The following NT5DC3 variants were observed in gnomAD, a reference collection of about 807,000 sequenced individuals.
The protein encoded by NT5DC3 is 5'-nucleotidase domain-containing protein 3.
Under a neutral mutation model 67.8 loss-of-function variants are expected in NT5DC3, and 42 were observed. That is an observed-to-expected ratio of 0.62 (90% CI 0.48 to 0.80). The LOEUF (loss-of-function observed/expected upper bound fraction) is 0.80. NT5DC3 is among the 30% of genes least tolerant of loss of function. The probability of loss-of-function intolerance (pLI) is 0.00; values close to 1 mark genes in which losing one functional copy is unlikely to be tolerated. For missense variants in NT5DC3, 570 were observed against 696.4 expected, an observed-to-expected ratio of 0.82 and a Z score of 2.04; for synonymous variants, 237 against 255.6, an observed-to-expected ratio of 0.93 and a Z score of 0.69.
At chr12:103,840,890 C>A in intron 1 of NT5DC3, 59 bp downstream of exon 1, 1 of 1,114,138 alleles carries the variant, frequency 9.0e-7, no homozygotes, top group South Asian at 2.4e-5. Flanking sequence ...GCGCCCGCTT[C>A]CCAGCTGAGC....
chr12:103,767,845 G>C (rs1885049366), downstream of NT5DC3, among the ~76,000 whole-genome samples: 2 of 152,000 alleles, frequency 1.3e-5, no homozygotes, highest in Admixed American at 1.3e-4. Flanking sequence ...CACTTTGGGA[G>C]GCTGAGATGG....
At chr12:103,837,398 T>C (rs1420484179) in intron 1 of NT5DC3, among the ~76,000 whole-genome samples, 2 of 152,264 alleles carry the variant, frequency 1.3e-5, no homozygotes, top group East Asian at 1.9e-4. Context: ...TTGCTACTTA[T>C]GCAAATTTCT....
rs115939035 is a variant in NT5DC3, at chr12:103,833,780, G to C, written c.208+7169C>G. Among the ~76,000 whole-genome samples, 544 of 151,964 alleles carry C rather than the reference G, an allele frequency of 3.6e-3. 1 individual carries two copies. Among genetic ancestry groups the C allele is most frequent in the African/African-American group, 0.012 (512 of 41,416 alleles). The stretch of plus-strand genomic sequence containing the variant: ...AAGGTTGGAGCAACCCGTCTTGGAG[G>C]AGTAGGAAGGCTTCCATTCTGTACC... On this transcript the variant is annotated intron_variant, in intron 1 of 13. Coordinates refer to ENST00000392876, the MANE Select transcript of NT5DC3 (RefSeq NM_001031701.3).
intron 1 of NT5DC3, among the ~76,000 whole-genome samples, chr12:103,822,402 TA>T: frequency 6.6e-6 from 1 of 152,180 alleles, no homozygotes; most frequent in East Asian, 1.9e-4. Context: ...GCTGGTAAAC[TA>T]AATGTTCAAC....
At chr12:103,756,514 C>A in the NT5DC3 span, among the ~76,000 whole-genome samples, 2 of 152,198 alleles carry the variant, frequency 1.3e-5, no homozygotes, top group African/African-American at 4.8e-5. Context: ...CCTCCTGCAA[C>A]TGTATAAGGC....
chr12:103,813,695 A>G (rs1887129670), intron 2 of NT5DC3, among the ~76,000 whole-genome samples: 1 of 152,202 alleles, frequency 6.6e-6, no homozygotes, highest in African/African-American at 2.4e-5. Flanking sequence ...CTCACATTTG[A>G]GAGAAACAAA....
At chr12:103,787,150 C>A (rs938759826) in intron 11 of NT5DC3, among the ~76,000 whole-genome samples, 1 of 151,410 alleles carries the variant, frequency 6.6e-6, no homozygotes, top group Admixed American at 6.6e-5. Context: ...GCATTTATTT[C>A]TTATTATTTA....
chr12:103,820,744 C>T (rs1887457701), intron 1 of NT5DC3: 1 of 152,180 alleles, frequency 6.6e-6, no homozygotes, highest in Admixed American at 6.5e-5. Context: ...GCACACAGTA[C>T]TGGAGAGCTC....
chr12:103,789,147 G>C (rs1281409950), intron 9 of NT5DC3: 1 of 484,442 alleles, frequency 2.1e-6, no homozygotes, highest in Non-Finnish European at 3.7e-6. Flanking sequence ...CAGGGGGCTG[G>C]GCGCAGTAGC....
intron 11 of NT5DC3, among the ~76,000 whole-genome samples, chr12:103,786,892 A>C (rs561428309): frequency 6.6e-6 from 1 of 152,248 alleles, no homozygotes; most frequent in African/African-American, 2.4e-5. Context: ...AACGCTGCCC[A>C]GGTTGATCTC....
At chr12:103,795,668 T>C (rs2139350951) in intron 6 of NT5DC3, among the ~76,000 whole-genome samples, 1 of 152,074 alleles carries the variant, frequency 6.6e-6, no homozygotes, top group East Asian at 1.9e-4. Context: ...TTAAAAAATA[T>C]ATTTAAATAA....
chr12:103,835,210 C>T (rs143153753), intron 1 of NT5DC3, among the ~76,000 whole-genome samples: 11 of 152,270 alleles, frequency 7.2e-5, no homozygotes, highest in South Asian at 4.1e-4. Flanking sequence ...TTAATAAATG[C>T]TTGTTGGATG....
rs75256980 is a variant in NT5DC3, at chr12:103,779,868, T to A, written c.1394+432A>T. ...GCTTACTGATTGCACATTCTTGAAA[T>A]AGCTGTGGTTACAAATAAGCACCAG... On this transcript the variant is annotated intron_variant, in intron 13 of 13. Coordinates refer to ENST00000392876, the MANE Select transcript of NT5DC3 (RefSeq NM_001031701.3). Among the ~76,000 whole-genome samples the A allele has an allele frequency of 8.8e-3, 1,337 of 152,222 alleles. 22 individuals carry two copies. Among genetic ancestry groups the A allele is most frequent in the African/African-American group, 0.03 (1,263 of 41,524 alleles).
the NT5DC3 span, among the ~76,000 whole-genome samples, chr12:103,747,344 T>C: frequency 5.9e-5 from 9 of 152,156 alleles, no homozygotes; most frequent in Non-Finnish European, 4.4e-5. Flanking sequence ...TTTCCTATTG[T>C]CTCATATAAC....
intron 1 of NT5DC3, 32 bp downstream of exon 1, chr12:103,840,917 A>G: frequency 7.8e-7 from 1 of 1,281,862 alleles, no homozygotes; most frequent in Non-Finnish European, 1.0e-6. Flanking sequence ...GAGGGGCCCC[A>G]GGCGCCGGGG....
the NT5DC3 span, among the ~76,000 whole-genome samples, chr12:103,746,949 C>CTTTTTTTTTTTTTTTTTTTTTTTTTT: frequency 1.0e-5 from 1 of 96,076 alleles, no homozygotes; most frequent in Non-Finnish European, 2.1e-5. Flanking sequence ...GTTTTTCTTT[C>CTTTTTTTTTTTTTTTTTTTTTTTTTT]TTTTTTTTTT....
the NT5DC3 span, among the ~76,000 whole-genome samples, chr12:103,759,617 C>T: frequency 2.6e-5 from 4 of 152,206 alleles, no homozygotes; most frequent in Non-Finnish European, 5.9e-5. Flanking sequence ...AGTTCTGCCA[C>T]TTGCTAACTG....
At chr12:103,759,211 A>G in the NT5DC3 span, 1 of 1,613,950 alleles carries the variant, frequency 6.2e-7, no homozygotes, top group African/African-American at 1.3e-5. Flanking sequence ...CAATGGCACC[A>G]CCCTGCAAAC....
the NT5DC3 span, chr12:103,749,092 A>G: frequency 6.2e-7 from 1 of 1,613,800 alleles, no homozygotes; most frequent in Non-Finnish European, 8.5e-7. Context: ...ACAGAGATAG[A>G]CCCCTGTGCA....
Sources: gnomAD v4.1 joint callset for allele counts (sites outside exome capture counted in the v4.1 genomes callset) on GRCh38, gnomAD v4.1.1 for gene constraint, MANE v1.5 for transcripts, NCBI Gene and HGNC (gene_info 2026-07-23, HGNC 2026-07-21) for gene names.